The following NTM variants were observed in gnomAD, a reference collection of about 807,000 sequenced individuals.
NTM encodes the protein neurotrimin, also known as IgLON family member 2.
In NTM, 13 loss-of-function variants were observed where a neutral mutation model predicts 42.1. The observed-to-expected ratio is 0.31, with a 90% CI of 0.20 to 0.49. The LOEUF (loss-of-function observed/expected upper bound fraction) is 0.49. Among genes scored for constraint, NTM ranks in the 20% least tolerant of loss-of-function variants. NTM has a pLI of 0.99. For missense variants in NTM, 373 were observed against 452.8 expected, an observed-to-expected ratio of 0.82 and a Z score of 1.60; for synonymous variants, 187 against 179.2, an observed-to-expected ratio of 1.04 and a Z score of -0.35.
intron 1 of NTM, among the ~76,000 whole-genome samples, chr11:131,659,421 G>T (rs949653697): frequency 6.6e-6 from 1 of 152,196 alleles, no homozygotes; most frequent in Non-Finnish European, 1.5e-5. Context: ...GGGTGAGGGA[G>T]TTGAGCCAGA....
At chr11:131,499,262 T>A (rs192183781) in intron 1 of NTM, among the ~76,000 whole-genome samples, 1 of 152,298 alleles carries the variant, frequency 6.6e-6, no homozygotes, top group East Asian at 1.9e-4. Flanking sequence ...AATACTATCT[T>A]GTCACTTAAT....
chr11:131,433,498 T>C lies in NTM; in HGVS notation c.82+62610T>C, dbSNP rs1240765294. 2.6e-5 allele frequency among the ~76,000 whole-genome samples: 4 copies of C among 152,214 alleles called. No individual in the cohort carries two copies. In the South Asian group the frequency reaches 8.3e-4, roughly 32 times the overall value. ...ATTTATTTATTATTATGATTATCTT[T>C]AAATTTCTCTTGTGTTTTGGAAGAG... On this transcript the variant is annotated intron_variant, in intron 1 of 8. Transcript: ENST00000683400.
chr11:131,754,658 A>T (rs1374361744), intron 1 of NTM, among the ~76,000 whole-genome samples: 1 of 151,890 alleles, frequency 6.6e-6, no homozygotes, highest in East Asian at 1.9e-4. Flanking sequence ...CACAACTACC[A>T]TATAACCCAA....
chr11:132,084,061 C>T (rs1362921702), intron 2 of NTM, among the ~76,000 whole-genome samples: 3 of 151,996 alleles, frequency 2.0e-5, no homozygotes, highest in South Asian at 2.1e-4. Context: ...GCTTGATATT[C>T]GTGAAATTTT....
At chr11:131,613,205 G>T (rs996840294) in intron 1 of NTM, among the ~76,000 whole-genome samples, 1 of 152,048 alleles carries the variant, frequency 6.6e-6, no homozygotes, top group African/African-American at 2.4e-5. Context: ...CAACCCTCAG[G>T]TCTGGGCACT....
At chr11:131,811,296 G>A (rs1303479467) in intron 1 of NTM, among the ~76,000 whole-genome samples, 3 of 152,184 alleles carry the variant, frequency 2.0e-5, no homozygotes, top group Admixed American at 6.5e-5. Flanking sequence ...AAAGGATGCA[G>A]CCTCTCATCA....
chr11:131,653,767 C>T (rs754701545), intron 1 of NTM, among the ~76,000 whole-genome samples: 22 of 152,228 alleles, frequency 1.4e-4, no homozygotes, highest in Admixed American at 3.9e-4. Context: ...GCTCCCCCCG[C>T]GGCCTCTTTT....
chr11:131,764,918 A>T (rs947975676), intron 1 of NTM, among the ~76,000 whole-genome samples: 7 of 152,188 alleles, frequency 4.6e-5, no homozygotes, highest in South Asian at 2.1e-4. Flanking sequence ...CACACACATC[A>T]TCTGATTAAA....
intron 1 of NTM, among the ~76,000 whole-genome samples, chr11:131,628,176 A>G (rs1242931172): frequency 6.6e-6 from 1 of 152,230 alleles, no homozygotes; most frequent in Non-Finnish European, 1.5e-5. Context: ...AAGAACACAG[A>G]GGGAGGATGT....
chr11:132,213,925 G>A (rs2083346068), intron 4 of NTM, among the ~76,000 whole-genome samples: 1 of 121,142 alleles, frequency 8.3e-6, no homozygotes, highest in South Asian at 2.7e-4. Flanking sequence ...TAGTAGAGAC[G>A]GGGTTTCACC....
At chr11:132,224,349 A>T (rs1382136953) in intron 4 of NTM, among the ~76,000 whole-genome samples, 2 of 152,118 alleles carry the variant, frequency 1.3e-5, no homozygotes, top group Non-Finnish European at 2.9e-5. Flanking sequence ...CAGAGAGCCC[A>T]GTGGATGGGT....
chr11:131,831,466 C>T (rs971164742), intron 1 of NTM, among the ~76,000 whole-genome samples: 4 of 152,070 alleles, frequency 2.6e-5, no homozygotes, highest in East Asian at 1.9e-4. Context: ...TAGCCTATGC[C>T]GTCCACACAC....
chr11:131,922,904 G>A (rs939730744), intron 2 of NTM, among the ~76,000 whole-genome samples: 1 of 152,110 alleles, frequency 6.6e-6, no homozygotes, highest in Non-Finnish European at 1.5e-5. Context: ...CTGCTGCCTC[G>A]CTCGTGGGAA....
At chr11:132,231,366 G>T (rs1009847038) in intron 4 of NTM, among the ~76,000 whole-genome samples, 1 of 152,162 alleles carries the variant, frequency 6.6e-6, no homozygotes, top group African/African-American at 2.4e-5. Flanking sequence ...TAAGTTTCCA[G>T]TGGATTTCAA....
chr11:131,639,498 G>A (rs143330901), intron 1 of NTM, among the ~76,000 whole-genome samples: 6 of 152,280 alleles, frequency 3.9e-5, no homozygotes, highest in East Asian at 1.9e-4. Context: ...ATCCTACCTC[G>A]TAGGTCAGAT....
intron 3 of NTM, among the ~76,000 whole-genome samples, chr11:132,208,892 A>G (rs762115982): frequency 4.6e-5 from 7 of 152,180 alleles, no homozygotes; most frequent in Non-Finnish European, 8.8e-5. Flanking sequence ...TCAATAAATT[A>G]CTTACCTGCA....
At chr11:131,592,486 T>C (rs191101490) in intron 1 of NTM, among the ~76,000 whole-genome samples, 1 of 145,094 alleles carries the variant, frequency 6.9e-6, no homozygotes, top group African/African-American at 2.6e-5. Flanking sequence ...ATAACATATT[T>C]AAAATGCCTT....
chr11:131,741,738 T>TAGTATTGACA (rs1258557568), intron 1 of NTM, among the ~76,000 whole-genome samples: 3 of 152,246 alleles, frequency 2.0e-5, no homozygotes, highest in East Asian at 3.9e-4. Flanking sequence ...AAAATAGAAA[T>TAGTATTGACA]GTATTGTCAT....
intron 1 of NTM, among the ~76,000 whole-genome samples, chr11:131,822,035 G>A (rs971828451): frequency 3.9e-5 from 6 of 152,150 alleles, no homozygotes; most frequent in Admixed American, 6.5e-5. Context: ...CAGGAAAGTC[G>A]AAACACTTTT....
Sources: gnomAD v4.1 joint callset for allele counts (sites outside exome capture counted in the v4.1 genomes callset) on GRCh38, gnomAD v4.1.1 for gene constraint, MANE v1.5 for transcripts, NCBI Gene and HGNC (gene_info 2026-07-23, HGNC 2026-07-21) for gene names.